SNTG1: variants seen among roughly 807,000 people sequenced by gnomAD.
SNTG1 encodes syntrophin gamma 1.
Under a neutral mutation model 74.7 loss-of-function variants are expected in SNTG1, and 39 were observed. The ratio of observed to expected loss-of-function variants is 0.52; its 90% CI spans 0.40 to 0.68. The LOEUF is 0.68. Ranked by LOEUF, SNTG1 falls within the 30% of genes least tolerant of loss-of-function variation. The pLI, the probability that SNTG1 is intolerant of heterozygous loss-of-function variation, is 0.00. For missense variants in SNTG1, 685 were observed against 609.5 expected (o/e 1.12, Z -1.30); for synonymous variants, 254 against 217.1 (o/e 1.17, Z -1.49).
At chr8:50,288,245 A>C (rs1309895446) in intron 2 of SNTG1, among the ~76,000 whole-genome samples, 2 of 152,180 alleles carry the variant, frequency 1.3e-5, no homozygotes, top group African/African-American at 4.8e-5. Flanking sequence ...ACACATCTAC[A>C]ACTCTCATAT....
intron 12 of SNTG1, among the ~76,000 whole-genome samples, chr8:50,564,911 C>A (rs1049736328): frequency 6.6e-6 from 1 of 151,958 alleles, no homozygotes; most frequent in Non-Finnish European, 1.5e-5. Flanking sequence ...CTTCTTCCAG[C>A]GTTAAGAAGG....
At chr8:50,781,725 G>T (rs574829151) in intron 18 of SNTG1, among the ~76,000 whole-genome samples, 1 of 152,220 alleles carries the variant, frequency 6.6e-6, no homozygotes, top group Non-Finnish European at 1.5e-5. Flanking sequence ...ATATTGTTCT[G>T]TGTGAATTTG....
In SNTG1 at chr8:50,210,514, A is replaced by G. The variant is rs2084469272; in HGVS notation, c.-28+37879A>G. 2.0e-5 allele frequency among the ~76,000 whole-genome samples: 3 copies of G among 152,334 alleles called. No individual in the cohort carries two copies. In the South Asian group the frequency reaches 6.2e-4, roughly 32 times the overall value. On this transcript the variant is annotated intron_variant, in intron 2 of 18. Coordinates refer to ENST00000642720, the MANE Select transcript of SNTG1 (RefSeq NM_018967.5). ...TTACCCACAAAGGGAAGGCCAGCAG[A>G]CTAACAGTGGATCTCTCAGCAGAAA...
At chr8:50,725,167 T>A (rs1302067285) in intron 17 of SNTG1, among the ~76,000 whole-genome samples, 1 of 152,196 alleles carries the variant, frequency 6.6e-6, no homozygotes, top group Non-Finnish European at 1.5e-5. Flanking sequence ...ATATATTAGA[T>A]CAACTTATTT....
At chr8:50,695,460 CTT>C (rs1190877504) in intron 15 of SNTG1, among the ~76,000 whole-genome samples, 1 of 148,520 alleles carries the variant, frequency 6.7e-6, no homozygotes, top group Non-Finnish European at 1.5e-5. Context: ...TTATGAGTGA[CTT>C]TTAATTTTTG....
chr8:50,670,783 C>A (rs1262262799), intron 15 of SNTG1, among the ~76,000 whole-genome samples: 1 of 149,920 alleles, frequency 6.7e-6, no homozygotes, highest in Non-Finnish European at 1.5e-5. Context: ...CGCTACCTGA[C>A]TTCAAACTAT....
intron 18 of SNTG1, among the ~76,000 whole-genome samples, chr8:50,763,309 A>G (rs985947097): frequency 1.3e-5 from 2 of 151,798 alleles, no homozygotes; most frequent in Admixed American, 1.3e-4. Flanking sequence ...AGCCCCTGAT[A>G]CTCAGAATTT....
rs997808752 is a variant in SNTG1, at chr8:50,794,881, C to T, written c.*2052C>T. 9 of 151,904 alleles carry T rather than the reference C, an allele frequency of 5.9e-5. No homozygotes were observed. The highest frequency in any genetic ancestry group is 1.4e-4 in the African/African-American group (6 of 41,400). The allele number at this position is 151,904 out of a possible 1,614,324, so 9.4% of individuals were successfully genotyped here. A position where few individuals can be genotyped will look rare whatever the true frequency, so the allele number is the denominator to read the frequency against. On this transcript the variant is annotated 3_prime_UTR_variant, in exon 19 of 19. Transcript: ENST00000642720. ...TTTAAAAATTGTGAAATTTTGTAAACGTTCCATTTTAGAATTTAAAAAACC... is the reference window on the plus strand; with the variant it reads ...TTTAAAAATTGTGAAATTTTGTAAATGTTCCATTTTAGAATTTAAAAAACC...
intron 2 of SNTG1, among the ~76,000 whole-genome samples, chr8:50,213,065 T>C (rs1263623082): frequency 2.0e-5 from 3 of 152,208 alleles, no homozygotes; most frequent in Non-Finnish European, 4.4e-5. Context: ...TTCCCTTGAG[T>C]CTTTGCAGTG....
chr8:50,353,927 G>T (rs2091743013), intron 2 of SNTG1, among the ~76,000 whole-genome samples: 1 of 152,222 alleles, frequency 6.6e-6, no homozygotes, highest in Non-Finnish European at 1.5e-5. Flanking sequence ...GGTCTCAAAA[G>T]AATCTCATGG....
chr8:50,419,883 T>A (rs1388347310), intron 4 of SNTG1, among the ~76,000 whole-genome samples: 1 of 136,584 alleles, frequency 7.3e-6, no homozygotes, highest in Admixed American at 7.1e-5. Flanking sequence ...ATAATTGAAA[T>A]AAAAACTCAA....
chr8:50,087,815 T>C (rs1404733699), intron 1 of SNTG1, among the ~76,000 whole-genome samples: 1 of 151,776 alleles, frequency 6.6e-6, no homozygotes, highest in Admixed American at 6.6e-5. Context: ...AGTTTTAGGG[T>C]ACATGTGCAC....
At chr8:50,697,564 G>A (rs1017448775) in intron 15 of SNTG1, among the ~76,000 whole-genome samples, 1 of 152,070 alleles carries the variant, frequency 6.6e-6, no homozygotes, top group Non-Finnish European at 1.5e-5. Flanking sequence ...CTGTGGGTTT[G>A]TCATATATGA....
chr8:50,468,630 GT>G (rs1354731815), intron 8 of SNTG1, among the ~76,000 whole-genome samples: 1 of 152,072 alleles, frequency 6.6e-6, no homozygotes, highest in African/African-American at 2.4e-5. Context: ...CAAATATAAA[GT>G]TATTGATGTA....
intron 11 of SNTG1, among the ~76,000 whole-genome samples, chr8:50,543,576 C>A (rs1463876825): frequency 6.6e-6 from 1 of 151,994 alleles, no homozygotes; most frequent in Admixed American, 6.6e-5. Flanking sequence ...AGATGTAGCA[C>A]ATTTAAAAAA....
At chr8:50,608,496 A>T (rs1317467982) in intron 13 of SNTG1, among the ~76,000 whole-genome samples, 1 of 151,752 alleles carries the variant, frequency 6.6e-6, no homozygotes, top group Non-Finnish European at 1.5e-5. Flanking sequence ...TCTATTTTCT[A>T]TGATGTCAAT....
chr8:50,765,898 A>G (rs1391068669), intron 18 of SNTG1, among the ~76,000 whole-genome samples: 1 of 152,038 alleles, frequency 6.6e-6, no homozygotes, highest in Non-Finnish European at 1.5e-5. Flanking sequence ...ATTTTTACAC[A>G]TATATGACTC....
At chr8:50,782,104 C>G (rs564176159) in intron 18 of SNTG1, among the ~76,000 whole-genome samples, 3 of 152,268 alleles carry the variant, frequency 2.0e-5, no homozygotes, top group Non-Finnish European at 2.9e-5. Context: ...CCCTTTGTGG[C>G]TAACCCGACC....
intron 18 of SNTG1, among the ~76,000 whole-genome samples, chr8:50,760,072 T>C (rs1454418999): frequency 6.6e-6 from 1 of 152,106 alleles, no homozygotes; most frequent in Non-Finnish European, 1.5e-5. Flanking sequence ...CCCTTGTAAG[T>C]TGTATGCCTA....
Sources: gnomAD v4.1 joint callset for allele counts (sites outside exome capture counted in the v4.1 genomes callset) on GRCh38, gnomAD v4.1.1 for gene constraint, MANE v1.5 for transcripts, NCBI Gene and HGNC (gene_info 2026-07-23, HGNC 2026-07-21) for gene names.